DCLK1: variants seen among roughly 807,000 people sequenced by gnomAD.
DCLK1 encodes the protein serine/threonine-protein kinase DCLK1.
A neutral mutation model predicts 86.2 loss-of-function variants in DCLK1; 16 were observed. The observed-to-expected ratio is 0.19, with a 90% CI of 0.13 to 0.28. The LOEUF is 0.28. DCLK1 is among the 10% of genes least tolerant of loss of function. The probability of loss-of-function intolerance (pLI) is 1.00; values close to 1 mark genes in which losing one functional copy is unlikely to be tolerated. For missense variants in DCLK1, 590 were observed against 940.2 expected, an observed-to-expected ratio of 0.63 and a Z score of 4.87; for synonymous variants, 369 against 370.5, an observed-to-expected ratio of 1.00 and a Z score of 0.05.
intron 3 of DCLK1, among the ~76,000 whole-genome samples, chr13:35,950,334 C>T (rs192087982): frequency 1.3e-5 from 2 of 152,310 alleles, no homozygotes; most frequent in Non-Finnish European, 2.9e-5. Flanking sequence ...TGTATTCCAA[C>T]TAACAAGAAA....
intron 4 of DCLK1, among the ~76,000 whole-genome samples, chr13:35,901,595 G>C (rs1488059569): frequency 6.6e-6 from 1 of 151,510 alleles, no homozygotes; most frequent in Admixed American, 6.6e-5. Context: ...CAGAGCCAGA[G>C]GTTTGGTAGT....
At chr13:36,122,664 G>A (rs1320164621) in intron 2 of DCLK1, among the ~76,000 whole-genome samples, 1 of 152,116 alleles carries the variant, frequency 6.6e-6, no homozygotes, top group African/African-American at 2.4e-5. Flanking sequence ...ATCACTTGCG[G>A]AAATAGGCCT....
chr13:35,921,361 C>T (rs1257513039), intron 4 of DCLK1, among the ~76,000 whole-genome samples: 1 of 152,084 alleles, frequency 6.6e-6, no homozygotes, highest in Non-Finnish European at 1.5e-5. Flanking sequence ...CCGGCCACAA[C>T]ACCCCACTCT....
rs1371156463 is a variant in DCLK1, at chr13:35,993,140, T to G, written c.724-45683A>C. On this transcript the variant is annotated intron_variant, in intron 3 of 16. Coordinates refer to ENST00000360631, the MANE Select transcript of DCLK1 (RefSeq NM_001330071.2). ...ACGCACTGTCATATGCATCTGCTTCTGTGATACAGTTGCTCAAGCTGCTCT... is the reference window on the plus strand; with the variant it reads ...ACGCACTGTCATATGCATCTGCTTCGGTGATACAGTTGCTCAAGCTGCTCT... Among the ~76,000 whole-genome samples the G allele has an allele frequency of 2.0e-5, 3 of 152,240 alleles. No homozygotes were observed. In the East Asian group the frequency reaches 5.8e-4, roughly 29 times the overall value.
At chr13:36,098,622 T>C (rs1158149426) in intron 3 of DCLK1, among the ~76,000 whole-genome samples, 1 of 152,218 alleles carries the variant, frequency 6.6e-6, no homozygotes, top group Non-Finnish European at 1.5e-5. Context: ...TAGATCCACA[T>C]TTCCTCTGGT....
chr13:35,977,652 C>G (rs1224031969), intron 3 of DCLK1, among the ~76,000 whole-genome samples: 5 of 151,988 alleles, frequency 3.3e-5, no homozygotes, highest in Admixed American at 6.6e-5. Context: ...CCTACAAGAC[C>G]AGATCACAGC....
chr13:35,959,180 C>T (rs1878310962), intron 3 of DCLK1, among the ~76,000 whole-genome samples: 1 of 152,084 alleles, frequency 6.6e-6, no homozygotes, highest in East Asian at 1.9e-4. Flanking sequence ...TCATTGTATA[C>T]TATGTATATT....
intron 3 of DCLK1, among the ~76,000 whole-genome samples, chr13:36,023,942 C>T (rs1296714912): frequency 2.3e-5 from 3 of 130,488 alleles, no homozygotes; most frequent in East Asian, 4.5e-4. Context: ...GTTGCCCGGG[C>T]TGGAGTACAG....
rs538350746 is a variant in DCLK1, at chr13:35,911,079, C to T, written c.823+36279G>A. Among the ~76,000 whole-genome samples the T allele has an allele frequency of 3.4e-5, 5 of 146,578 alleles. No individual in the cohort carries two copies. The South Asian group carries it at 8.8e-4, about 26-fold the overall frequency. On this transcript the variant is annotated intron_variant, in intron 4 of 16. Transcript: ENST00000360631. ...TGGGCGGATCACAAGATCAGGAGAT[C>T]GAGACCATCCTGGCTAACACGGTGA...
intron 2 of DCLK1, among the ~76,000 whole-genome samples, chr13:36,124,310 C>A (rs1473206802): frequency 6.6e-6 from 1 of 152,200 alleles, no homozygotes; most frequent in Non-Finnish European, 1.5e-5. Context: ...CATGTTAATT[C>A]TTCTCCTTTA....
chr13:36,126,191 T>A, intron 1 of DCLK1, 35 bp from the exon 2 acceptor site: 1 of 1,496,090 alleles, frequency 6.7e-7, no homozygotes, highest in Non-Finnish European at 8.9e-7. Flanking sequence ...GACACACATA[T>A]TGATGTAGGT....
intron 3 of DCLK1, among the ~76,000 whole-genome samples, chr13:36,015,338 T>A (rs1365265916): frequency 6.6e-6 from 1 of 152,118 alleles, no homozygotes; most frequent in Non-Finnish European, 1.5e-5. Flanking sequence ...GAAGGGGGAA[T>A]CACCCAAAGC....
intron 4 of DCLK1, among the ~76,000 whole-genome samples, chr13:35,905,594 G>T (rs769879550): frequency 6.6e-6 from 1 of 152,182 alleles, no homozygotes; most frequent in Non-Finnish European, 1.5e-5. Context: ...AATCAACCCC[G>T]AGGGCCACCT....
intron 5 of DCLK1, among the ~76,000 whole-genome samples, chr13:35,869,670 G>A (rs1872131379): frequency 6.6e-6 from 1 of 152,164 alleles, no homozygotes; most frequent in South Asian, 2.1e-4. Context: ...GTGTGCATTG[G>A]AATCAGCTGG....
In DCLK1 at chr13:36,084,341, G is replaced by A. The variant is rs372931264; in HGVS notation, c.723+27528C>T. Among the ~76,000 whole-genome samples the A allele has an allele frequency of 3.9e-4, 59 of 152,278 alleles. 1 individual carries two copies. The South Asian group carries it at 0.011, about 29-fold the overall frequency. On this transcript the variant is annotated intron_variant, in intron 3 of 16. Coordinates refer to ENST00000360631, the MANE Select transcript of DCLK1 (RefSeq NM_001330071.2). Reference sequence around the variant, plus strand: ...TGGACCACAGGGACGACAGCTGAGCGTCTGATTTTTCAAATGACTGACGTA... The same window carrying A: ...TGGACCACAGGGACGACAGCTGAGCATCTGATTTTTCAAATGACTGACGTA...
chr13:35,828,128 T>TA (rs1180473826), intron 9 of DCLK1, 122 bp downstream of exon 9: 9 of 777,706 alleles, frequency 1.2e-5, no homozygotes, highest in Non-Finnish European at 1.9e-5. Flanking sequence ...AGTAAGTGTA[T>TA]AACATTCTAT....
At chr13:36,116,001 G>T (rs1885773945) in intron 2 of DCLK1, among the ~76,000 whole-genome samples, 1 of 151,422 alleles carries the variant, frequency 6.6e-6, no homozygotes, top group African/African-American at 2.4e-5. Flanking sequence ...CCAGGCTGGA[G>T]TGCAGTGGTG....
chr13:35,985,033 A>C (rs1879834791), intron 3 of DCLK1, among the ~76,000 whole-genome samples: 1 of 152,218 alleles, frequency 6.6e-6, no homozygotes, highest in Admixed American at 6.5e-5. Context: ...CGCTACAGAC[A>C]GACACAGCCA....
chr13:35,996,018 T>C (rs1593801587), intron 3 of DCLK1, among the ~76,000 whole-genome samples: 1 of 152,186 alleles, frequency 6.6e-6, no homozygotes, highest in Admixed American at 6.5e-5. Context: ...AATCTCCGCC[T>C]CCCAGGTTCA....
Sources: allele counts gnomAD v4.1 joint callset (sites outside exome capture counted in the v4.1 genomes callset), GRCh38; gene constraint gnomAD v4.1.1; transcripts MANE v1.5; gene names NCBI Gene and HGNC (gene_info 2026-07-23, HGNC 2026-07-21).